Variants in HSDL2 observed in about 807,000 individuals in gnomAD.
The protein encoded by HSDL2 is hydroxysteroid dehydrogenase-like protein 2.
Under a neutral mutation model 46.3 loss-of-function variants are expected in HSDL2, and 27 were observed. That is an observed-to-expected ratio of 0.58 (90% CI 0.43 to 0.80). HSDL2 has a LOEUF of 0.80. Among genes scored for constraint, HSDL2 ranks in the 30% least tolerant of loss-of-function variants. HSDL2 has a pLI of 0.00. For missense variants in HSDL2, 451 were observed against 502.7 expected (o/e 0.90, Z 0.98); for synonymous variants, 153 against 163.6 (o/e 0.94, Z 0.50).
chr9:112,458,321 T>TTTC (rs10655955), intron 9 of HSDL2, among the ~76,000 whole-genome samples: 101,898 of 119,468 alleles, frequency 0.85, 42,357 homozygotes, highest in South Asian at 0.89. Context: ...CCACTTCTTC[T>TTTC]TTTTTTTTTT....
intron 10 of HSDL2, among the ~76,000 whole-genome samples, chr9:112,463,259 CTTT>C (rs59947984): frequency 2.3e-3 from 319 of 138,970 alleles, no homozygotes; most frequent in African/African-American, 7.9e-3. Flanking sequence ...TGATATTTAA[CTTT>C]TTTTTTTTTT....
intron 3 of HSDL2, among the ~76,000 whole-genome samples, chr9:112,408,166 G>C (rs926323001): frequency 1.3e-5 from 2 of 152,182 alleles, no homozygotes; most frequent in African/African-American, 2.4e-5. Flanking sequence ...AGGGGCCTTG[G>C]GGGAAGGGAG....
chr9:112,403,394 T>C (rs1219389092), intron 1 of HSDL2, among the ~76,000 whole-genome samples: 4 of 152,262 alleles, frequency 2.6e-5, no homozygotes, highest in Admixed American at 1.3e-4. Flanking sequence ...GGTTCATCCA[T>C]GTTGTAGCTC....
At chr9:112,393,274 C>A (rs111891732) in intron 1 of HSDL2, among the ~76,000 whole-genome samples, 1 of 152,142 alleles carries the variant, frequency 6.6e-6, no homozygotes, top group Non-Finnish European at 1.5e-5. Flanking sequence ...AATTTAGTTA[C>A]GTCCAAGGAT....
At chr9:112,401,441 CAAAAAAA>C (rs398011899) in intron 1 of HSDL2, among the ~76,000 whole-genome samples, 1 of 61,494 alleles carries the variant, frequency 1.6e-5, no homozygotes, top group South Asian at 7.3e-4. Context: ...GAACCGCTCT[CAAAAAAA>C]AAAAAAAAAA....
chr9:112,464,225 GACACACACACACACAC>G (rs756529908), intron 10 of HSDL2, among the ~76,000 whole-genome samples: 3 of 4,828 alleles, frequency 6.2e-4, no homozygotes, highest in African/African-American at 1.7e-3. Flanking sequence ...CACACACACA[GACACACACACACACAC>G]ACACACACAC....
intron 1 of HSDL2, among the ~76,000 whole-genome samples, chr9:112,383,742 C>A (rs1831156973): frequency 6.6e-6 from 1 of 152,208 alleles, no homozygotes; most frequent in South Asian, 2.1e-4. Context: ...CGCTCTGTCA[C>A]CCAGGCTGGG....
intron 9 of HSDL2, among the ~76,000 whole-genome samples, chr9:112,455,672 C>G (rs1314882348): frequency 6.6e-6 from 1 of 152,220 alleles, no homozygotes; most frequent in Non-Finnish European, 1.5e-5. Context: ...GGTCAGCTTA[C>G]TGCTGCATTT....
intron 8 of HSDL2, among the ~76,000 whole-genome samples, chr9:112,446,874 A>G (rs1380618120): frequency 1.3e-5 from 2 of 152,344 alleles, no homozygotes; most frequent in East Asian, 3.9e-4. Flanking sequence ...TAGCATGTGT[A>G]AAACAGAGAG....
intron 10 of HSDL2, among the ~76,000 whole-genome samples, chr9:112,460,220 TAA>T (rs1833162044): frequency 6.6e-6 from 1 of 152,210 alleles, no homozygotes; most frequent in South Asian, 2.1e-4. Context: ...CATCCTGATC[TAA>T]AGAGTCTTTC....
At chr9:112,463,420 T>C (rs949153811) in intron 10 of HSDL2, among the ~76,000 whole-genome samples, 7 of 152,298 alleles carry the variant, frequency 4.6e-5, no homozygotes, top group African/African-American at 1.7e-4. Context: ...TATTTAACTT[T>C]TTAAGAACCT....
rs560342060 is a variant in HSDL2, at chr9:112,453,966, C to G, written c.866-47C>G. On this transcript the variant is annotated intron_variant, in intron 8 of 10. Transcript: ENST00000398805. ...TGATTAATTAATTCTGTGTGGGGTC[C>G]TTCACTGCCAAGCATTAAGGTCATT... 27 of 1,574,110 alleles carry G rather than the reference C, an allele frequency of 1.7e-5. No homozygotes were observed. In the South Asian group the frequency reaches 3.1e-4, roughly 18 times the overall value.
chr9:112,440,373 C>T (rs1411284636), intron 7 of HSDL2, among the ~76,000 whole-genome samples: 2 of 151,042 alleles, frequency 1.3e-5, no homozygotes, highest in African/African-American at 4.9e-5. Context: ...AGTTTGAGAC[C>T]AGCCTGGGCA....
In HSDL2 at chr9:112,470,506, T is replaced by C. The variant is rs757418971; in HGVS notation, c.1219T>C (p.Leu407=). 1.4e-5 allele frequency: 22 copies of C among 1,610,670 alleles called. No individual in the cohort carries two copies. In the Middle Eastern group the frequency reaches 5.0e-4, roughly 36 times the overall value. ...IKGNMALAIK[L]EKLMNQMNAR... is the part of the protein sequence containing the mutation. Reference sequence around the variant, plus strand: ...AGGTAACATGGCCCTAGCAATCAAATTGGAGAAGCTAATGAATCAGATGAA... The same window carrying C: ...AGGTAACATGGCCCTAGCAATCAAACTGGAGAAGCTAATGAATCAGATGAA... The change falls in exon 11 of 11, where the codon TTG becomes CTG. Residue 407 remains leucine, a synonymous_variant. Coordinates refer to ENST00000398805, the MANE Select transcript of HSDL2 (RefSeq NM_032303.5).
At chr9:112,441,271 G>A (rs1832631461) in intron 7 of HSDL2, among the ~76,000 whole-genome samples, 1 of 152,098 alleles carries the variant, frequency 6.6e-6, no homozygotes, top group Admixed American at 6.6e-5. Flanking sequence ...GGAGTGAGAG[G>A]AAGAGGGAAA....
chr9:112,431,185 T>C (rs1832385900), intron 6 of HSDL2, among the ~76,000 whole-genome samples: 1 of 151,848 alleles, frequency 6.6e-6, no homozygotes, highest in Non-Finnish European at 1.5e-5. Flanking sequence ...AGGAATTGTG[T>C]GGGGTGTTGT....
At chr9:112,403,937 A>G (rs1217032354) in intron 1 of HSDL2, 58 bp from the exon 2 acceptor site, 1 of 1,528,424 alleles carries the variant, frequency 6.5e-7, no homozygotes, top group Non-Finnish European at 9.0e-7. Context: ...AGGTTCTGAT[A>G]CCTGTCAGTA....
chr9:112,428,593 C>T (rs964620288), intron 6 of HSDL2, among the ~76,000 whole-genome samples: 4 of 151,968 alleles, frequency 2.6e-5, no homozygotes, highest in Non-Finnish European at 5.9e-5. Context: ...CTAGTGGAAT[C>T]GAATAGAAAA....
intron 10 of HSDL2, among the ~76,000 whole-genome samples, chr9:112,460,312 CTCTAAG>C (rs1833164521): frequency 6.6e-6 from 1 of 152,164 alleles, no homozygotes; most frequent in African/African-American, 2.4e-5. Context: ...ATTCTGTGCC[CTCTAAG>C]TCTTTCTTTA....
Sources: gnomAD v4.1 joint callset for allele counts (sites outside exome capture counted in the v4.1 genomes callset) on GRCh38, gnomAD v4.1.1 for gene constraint, MANE v1.5 for transcripts, NCBI Gene and HGNC (gene_info 2026-07-23, HGNC 2026-07-21) for gene names.